NRCAM: variants seen among roughly 807,000 people sequenced by gnomAD.
NRCAM encodes the protein neuronal cell adhesion molecule.
In NRCAM, 83 loss-of-function variants were observed where a neutral mutation model predicts 156.5. The ratio of observed to expected loss-of-function variants is 0.53; its 90% CI spans 0.44 to 0.64. NRCAM has a LOEUF of 0.64. Among genes scored for constraint, NRCAM ranks in the 30% least tolerant of loss-of-function variants. The probability of loss-of-function intolerance (pLI) is 0.00; values close to 1 mark genes in which losing one functional copy is unlikely to be tolerated. For synonymous variants in NRCAM, 538 were observed against 563.9 expected, an observed-to-expected ratio of 0.95 and a Z score of 0.65; for missense variants, 1,417 against 1,597.3, an observed-to-expected ratio of 0.89 and a Z score of 1.92.
At chr7:108,428,937 C>G (rs376301070) in intron 1 of NRCAM, among the ~76,000 whole-genome samples, 1 of 2,718 alleles carries the variant, frequency 3.7e-4, no homozygotes, top group Non-Finnish European at 2.6e-3. Context: ...CTAAAATTTT[C>G]TTTTCTTTTC....
Position 108,194,135 on chromosome 7 carries a change from A to G in NRCAM, c.1667T>C (p.Val556Ala), listed in dbSNP as rs1315677240. The change falls in exon 17 of 33, where the codon GTT becomes GCT. Residue 556 changes from valine (V) to alanine (A), a missense_variant. Transcript: ENST00000379028. ...TWIVKQPEYA[V>A]VQRGSMVSFE... ...GGACACCATGCTCCCTCTTTGCACA[A>G]CTGCATATTCGGGCTGTTTAACGAT... The G allele has an allele frequency of 1.2e-6, 2 of 1,613,968 alleles. No homozygotes were observed. Among genetic ancestry groups the G allele is most frequent in the African/African-American group, 2.7e-5 (2 of 74,936 alleles).
chr7:108,223,892 C>T, intron 10 of NRCAM, 56 bp from the exon 11 acceptor site: 2 of 833,340 alleles, frequency 2.4e-6, no homozygotes, highest in Admixed American at 3.9e-5. Flanking sequence ...TTTCTATAAA[C>T]ACTTCATTGT....
chr7:108,383,243 A>G (rs2099709913), intron 2 of NRCAM, among the ~76,000 whole-genome samples: 1 of 152,210 alleles, frequency 6.6e-6, no homozygotes. Context: ...ATCCAAACAT[A>G]TTAAAGTGAG....
At chr7:108,200,385 A>C (rs1247459265) in intron 13 of NRCAM, among the ~76,000 whole-genome samples, 1 of 152,108 alleles carries the variant, frequency 6.6e-6, no homozygotes, top group African/African-American at 2.4e-5. Context: ...TCCTGAAAAC[A>C]CAGTGTACCT....
chr7:108,171,135 T>G (rs449514), intron 28 of NRCAM, among the ~76,000 whole-genome samples: 109,652 of 151,948 alleles, frequency 0.72, 41,950 homozygotes, highest in Non-Finnish European at 0.85. Flanking sequence ...GAGCACCTAT[T>G]TTGTACCATA....
intron 32 of NRCAM, among the ~76,000 whole-genome samples, chr7:108,155,375 C>G (rs1480027008): frequency 6.6e-6 from 1 of 151,562 alleles, no homozygotes; most frequent in Non-Finnish European, 1.5e-5. Context: ...ATATATGCAC[C>G]TACAAAGTAT....
At chr7:108,241,625 T>C (rs1417229735) in intron 3 of NRCAM, among the ~76,000 whole-genome samples, 1 of 151,992 alleles carries the variant, frequency 6.6e-6, no homozygotes, top group Non-Finnish European at 1.5e-5. Context: ...CACTGCATCC[T>C]CATAGCCCAT....
chr7:108,365,954 G>T (rs1001811179), intron 2 of NRCAM, among the ~76,000 whole-genome samples: 1 of 152,186 alleles, frequency 6.6e-6, no homozygotes, highest in African/African-American at 2.4e-5. Flanking sequence ...CAATATGATA[G>T]CGTTATGAGC....
chr7:108,280,736 C>T (rs1047222426), intron 3 of NRCAM, among the ~76,000 whole-genome samples: 3 of 152,146 alleles, frequency 2.0e-5, no homozygotes, highest in East Asian at 3.8e-4. Context: ...GGCAACACAG[C>T]GCAGCTGTTA....
intron 11 of NRCAM, among the ~76,000 whole-genome samples, chr7:108,221,001 A>G (rs1193495596): frequency 2.0e-5 from 3 of 152,198 alleles, no homozygotes; most frequent in African/African-American, 7.2e-5. Flanking sequence ...CAAATCAGCA[A>G]GAAAAAAACA....
At chr7:108,383,849 G>C (rs1490693586) in intron 2 of NRCAM, among the ~76,000 whole-genome samples, 2 of 152,120 alleles carry the variant, frequency 1.3e-5, no homozygotes, top group African/African-American at 4.8e-5. Context: ...GACTCTCAAA[G>C]GAGTCTGAGA....
chr7:108,290,893 C>G (rs545385051), intron 3 of NRCAM, among the ~76,000 whole-genome samples: 47 of 152,202 alleles, frequency 3.1e-4, no homozygotes, highest in Non-Finnish European at 5.0e-4. Flanking sequence ...TGGACCATGG[C>G]AAATGTAAAA....
chr7:108,289,847 A>G (rs73416352), intron 3 of NRCAM, among the ~76,000 whole-genome samples: 135 of 152,296 alleles, frequency 8.9e-4, no homozygotes, highest in African/African-American at 3.1e-3. Context: ...CCCACTGAAT[A>G]GAAACTTTGG....
At chr7:108,153,096 T>C (rs528401379) in intron 32 of NRCAM, among the ~76,000 whole-genome samples, 1 of 152,246 alleles carries the variant, frequency 6.6e-6, no homozygotes, top group East Asian at 1.9e-4. Context: ...TAATCATTTT[T>C]TGAGGCTAGT....
At chr7:108,331,235 T>C (rs181539237) in intron 2 of NRCAM, among the ~76,000 whole-genome samples, 2 of 151,938 alleles carry the variant, frequency 1.3e-5, no homozygotes, top group East Asian at 1.9e-4. Context: ...CTCGTCTCTA[T>C]ATAAAAAAGA....
chr7:108,391,948 T>C (rs1261075620), intron 2 of NRCAM, among the ~76,000 whole-genome samples: 1 of 152,252 alleles, frequency 6.6e-6, no homozygotes, highest in African/African-American at 2.4e-5. Flanking sequence ...GATCCGCTGT[T>C]AGTCTGATGG....
intron 31 of NRCAM, among the ~76,000 whole-genome samples, chr7:108,159,769 C>T (rs1207243434): frequency 2.0e-5 from 3 of 152,076 alleles, no homozygotes; most frequent in Non-Finnish European, 2.9e-5. Flanking sequence ...ACTAGTTTCT[C>T]ACCTGATAAA....
intron 3 of NRCAM, among the ~76,000 whole-genome samples, chr7:108,261,629 C>A (rs77838293): frequency 1.3e-5 from 2 of 152,176 alleles, no homozygotes; most frequent in Non-Finnish European, 2.9e-5. Context: ...TTGGACCCCT[C>A]GTGTGCACCA....
chr7:108,307,883 G>A (rs983321002), intron 3 of NRCAM, among the ~76,000 whole-genome samples: 4 of 152,128 alleles, frequency 2.6e-5, no homozygotes, highest in African/African-American at 9.7e-5. Flanking sequence ...GATGCTGGAA[G>A]GAAGAGACAT....
Sources: gnomAD v4.1 joint callset for allele counts (sites outside exome capture counted in the v4.1 genomes callset) on GRCh38, gnomAD v4.1.1 for gene constraint, MANE v1.5 for transcripts, NCBI Gene and HGNC (gene_info 2026-07-23, HGNC 2026-07-21) for gene names.